The following TCF7L2 variants were observed in gnomAD, a reference collection of about 807,000 sequenced individuals.
TCF7L2 encodes transcription factor 7 like 2, also known as transcription factor 7-like 2.
TCF7L2 carries 23 observed loss-of-function variants against 77.9 expected under a neutral mutation model. That is an observed-to-expected ratio of 0.30 (90% CI 0.21 to 0.42). TCF7L2 has a LOEUF of 0.42. Among genes scored for constraint, TCF7L2 ranks in the 10% least tolerant of loss-of-function variants. The pLI, the probability that TCF7L2 is intolerant of heterozygous loss-of-function variation, is 1.00. For synonymous variants in TCF7L2, 413 were observed against 340.2 expected, an observed-to-expected ratio of 1.21 and a Z score of -2.36; for missense variants, 654 against 793.1, an observed-to-expected ratio of 0.82 and a Z score of 2.11.
At chr10:112,982,782 G>A (rs1355982099) in intron 4 of TCF7L2, among the ~76,000 whole-genome samples, 1 of 152,018 alleles carries the variant, frequency 6.6e-6, no homozygotes. Flanking sequence ...GCACTACCAC[G>A]CCCGGCTAAT....
chr10:113,107,616 A>G (rs907907398), intron 5 of TCF7L2, among the ~76,000 whole-genome samples: 2 of 151,824 alleles, frequency 1.3e-5, no homozygotes, highest in Non-Finnish European at 2.9e-5. Flanking sequence ...GGTGGCGAGT[A>G]CCTGTAGTCC....
chr10:113,079,282 C>T (rs1434980736), intron 5 of TCF7L2, among the ~76,000 whole-genome samples: 2 of 152,156 alleles, frequency 1.3e-5, no homozygotes, highest in Non-Finnish European at 2.9e-5. Flanking sequence ...GCTCTGAAGA[C>T]AGGAAAATTT....
rs767353288 is a variant in TCF7L2, at chr10:113,141,231, C to G, written c.600C>G (p.Leu200=). Reference sequence around the variant, plus strand: ...AGCACCCTCACCATGTCCACCCCCTCACGCCTCTTATCACGTACAGCAATG... The same window carrying G: ...AGCACCCTCACCATGTCCACCCCCTGACGCCTCTTATCACGTACAGCAATG... The change falls in exon 6 of 14, where the codon CTC becomes CTG. Residue 200 remains leucine (L), a synonymous_variant. Transcript: ENST00000627217. The G allele has an allele frequency of 6.2e-7, 1 of 1,614,208 alleles. No individual in the cohort carries two copies. The highest frequency in any genetic ancestry group is 8.5e-7 in the Non-Finnish European group (1 of 1,180,044).
At chr10:113,092,819 G>T (rs2135701768) in intron 5 of TCF7L2, among the ~76,000 whole-genome samples, 2 of 152,278 alleles carry the variant, frequency 1.3e-5, no homozygotes, top group Non-Finnish European at 2.9e-5. Flanking sequence ...AGCCAAGATA[G>T]CACCACTGCT....
chr10:112,953,528 C>G (rs1045899614), intron 3 of TCF7L2, among the ~76,000 whole-genome samples: 1 of 152,208 alleles, frequency 6.6e-6, no homozygotes, highest in Non-Finnish European at 1.5e-5. Context: ...CCTCCCCTCC[C>G]CCTTCCGATG....
intron 4 of TCF7L2, among the ~76,000 whole-genome samples, chr10:112,993,544 C>T (rs2042963283): frequency 6.6e-6 from 1 of 152,038 alleles, no homozygotes; most frequent in South Asian, 2.1e-4. Context: ...TTGCCATGGG[C>T]TGTCTCCTGC....
At chr10:113,161,666 C>A in intron 13 of TCF7L2, 1 of 1,517,362 alleles carries the variant, frequency 6.6e-7, no homozygotes, top group Non-Finnish European at 8.9e-7. Flanking sequence ...TCACGTGTCC[C>A]TCCCCTTCAT....
At chr10:113,121,612 A>C (rs1341086501) in intron 5 of TCF7L2, among the ~76,000 whole-genome samples, 2 of 152,220 alleles carry the variant, frequency 1.3e-5, no homozygotes, top group Admixed American at 1.3e-4. Context: ...ACACAAAGTT[A>C]CTACTACCTA....
chr10:113,113,030 A>G (rs1286258083), intron 5 of TCF7L2, among the ~76,000 whole-genome samples: 1 of 152,168 alleles, frequency 6.6e-6, no homozygotes, highest in Non-Finnish European at 1.5e-5. Context: ...GCAGAGAGTC[A>G]CCGTTATCTG....
At chr10:112,985,502 T>C (rs1027954403) in intron 4 of TCF7L2, among the ~76,000 whole-genome samples, 2 of 152,234 alleles carry the variant, frequency 1.3e-5, no homozygotes, top group African/African-American at 2.4e-5. Context: ...CAGTTTCTTC[T>C]GGCCTAAGTC....
chr10:113,105,102 A>G (rs1268670819), intron 5 of TCF7L2, among the ~76,000 whole-genome samples: 2 of 152,190 alleles, frequency 1.3e-5, no homozygotes, highest in African/African-American at 2.4e-5. Flanking sequence ...AGCCTGCACA[A>G]TAGGTCTCAT....
At chr10:113,164,460 C>T (rs370716977) in intron 13 of TCF7L2, among the ~76,000 whole-genome samples, 6 of 152,172 alleles carry the variant, frequency 3.9e-5, no homozygotes, top group South Asian at 2.1e-4. Flanking sequence ...CTTCGGTGAC[C>T]GGCTTGTGCT....
At chr10:113,034,788 C>T (rs958498229) in intron 4 of TCF7L2, among the ~76,000 whole-genome samples, 1 of 151,968 alleles carries the variant, frequency 6.6e-6, no homozygotes, top group Non-Finnish European at 1.5e-5. Flanking sequence ...CCCAGCTACT[C>T]GGGAGGCTGA....
intron 4 of TCF7L2, among the ~76,000 whole-genome samples, chr10:113,010,883 G>A (rs1353912604): frequency 2.0e-5 from 3 of 152,190 alleles, no homozygotes; most frequent in African/African-American, 7.2e-5. Flanking sequence ...GGGCCTGGTG[G>A]TGTGCACCTG....
chr10:113,052,975 T>C (rs1431411342), intron 5 of TCF7L2, among the ~76,000 whole-genome samples: 1 of 152,238 alleles, frequency 6.6e-6, no homozygotes, highest in African/African-American at 2.4e-5. Flanking sequence ...AACGAACTTC[T>C]TTATCTGATT....
intron 12 of TCF7L2, 148 bp downstream of exon 13, chr10:113,158,865 A>AT (rs374863656): frequency 3.5e-3 from 2,127 of 611,866 alleles, no homozygotes; most frequent in South Asian, 4.5e-3. Context: ...GTTTCAGTAG[A>AT]TTTTTTTTTT....
At chr10:113,072,995 A>G (rs1245076671) in intron 5 of TCF7L2, among the ~76,000 whole-genome samples, 1 of 152,016 alleles carries the variant, frequency 6.6e-6, no homozygotes, top group Non-Finnish European at 1.5e-5. Flanking sequence ...TGATGCTCCC[A>G]GCCCCTGAGC....
intron 5 of TCF7L2, among the ~76,000 whole-genome samples, chr10:113,047,463 C>T (rs1049959926): frequency 2.0e-5 from 3 of 152,142 alleles, no homozygotes; most frequent in Non-Finnish European, 2.9e-5. Context: ...TCAAAACAGG[C>T]AAACGAAATC....
At chr10:113,116,586 G>A (rs893193976) in intron 5 of TCF7L2, among the ~76,000 whole-genome samples, 13 of 152,030 alleles carry the variant, frequency 8.6e-5, no homozygotes, top group African/African-American at 3.1e-4. Context: ...TTGTGAAATC[G>A]TTGTTTATAA....
Sources: allele counts gnomAD v4.1 joint callset (sites outside exome capture counted in the v4.1 genomes callset), GRCh38; gene constraint gnomAD v4.1.1; transcripts MANE v1.5; gene names NCBI Gene and HGNC (gene_info 2026-07-23, HGNC 2026-07-21).